Variants in ITGAM observed in about 807,000 individuals in gnomAD.
ITGAM encodes the protein integrin alpha-M.
A neutral mutation model predicts 137.5 loss-of-function variants in ITGAM; 79 were observed. That is an observed-to-expected ratio of 0.57 (90% confidence interval 0.48 to 0.69). ITGAM has a LOEUF of 0.69. ITGAM is among the 30% of genes least tolerant of loss of function. The pLI, the probability that ITGAM is intolerant of heterozygous loss-of-function variation, is 0.00. For missense variants in ITGAM, 1,343 were observed against 1,483.5 expected (o/e 0.91, Z 1.56); for synonymous variants, 583 against 592.3 (o/e 0.98, Z 0.23).
At chr16:31,278,283 T>C (rs894388891) in intron 12 of ITGAM, among the ~76,000 whole-genome samples, 174 bp downstream of exon 12, 1 of 152,182 alleles carries the variant, frequency 6.6e-6, no homozygotes, top group African/African-American at 2.4e-5. Context: ...TGTCCTCAGC[T>C]TTTTTAACAA....
Position 31,329,315 on chromosome 16 carries a change from G to C in ITGAM, c.2868+12G>C. On this transcript the variant is annotated intron_variant, in intron 24 of 29. Coordinates refer to ENST00000544665, the MANE Select transcript of ITGAM (RefSeq NM_000632.4). ...AGCATCAATATCAGGTGGGCAGCTGGGACGTCTGGGTCCTGAGAAGGAGGC... is the reference window on the plus strand; with the variant it reads ...AGCATCAATATCAGGTGGGCAGCTGCGACGTCTGGGTCCTGAGAAGGAGGC... 1 of 1,585,702 alleles carries C rather than the reference G, an allele frequency of 6.3e-7. No homozygotes were observed. The highest frequency in any genetic ancestry group is 8.7e-7 in the Non-Finnish European group (1 of 1,154,926).
At chr16:31,270,699 G>GTGTA (rs1477833816) in intron 5 of ITGAM, among the ~76,000 whole-genome samples, 1,377 of 25,730 alleles carry the variant, frequency 0.054, 65 homozygotes, top group Non-Finnish European at 0.084. Context: ...GTGTGTGTGT[G>GTGTA]TATATATATA....
chr16:31,269,441 C>A (rs1026856149), intron 5 of ITGAM, among the ~76,000 whole-genome samples: 1 of 152,126 alleles, frequency 6.6e-6, no homozygotes, highest in Non-Finnish European at 1.5e-5. Flanking sequence ...AAACTATAAA[C>A]TATAAACTAT....
At position 31,328,929 on chromosome 16, in the gene ITGAM, T is replaced by C. The variant is rs528395591; in HGVS notation, c.2793-299T>C. On this transcript the variant is annotated intron_variant, in intron 23 of 29. Coordinates refer to ENST00000544665, the MANE Select transcript of ITGAM (RefSeq NM_000632.4). ...GTGTGTGTCTGAGGATCTATGTGCA[T>C]GTATGTGTGCATGGGTGTGTATTTG... 7.8e-6 allele frequency: 4 copies of C among 512,320 alleles called. No homozygotes were observed. The South Asian group carries it at 8.7e-5, about 11-fold the overall frequency. 31.7% of individuals were successfully genotyped at this position (512,320 alleles called of 1,614,324 possible).
chr16:31,325,278 G>C lies in ITGAM; in HGVS notation c.2379G>C (p.Val793=), dbSNP rs2080495852. The C allele has an allele frequency of 6.2e-7, 1 of 1,612,932 alleles. No individual in the cohort carries two copies. Residue 793 remains valine (V), a synonymous_variant, in exon 20 of 30, where the codon GTG becomes GTC. Coordinates refer to ENST00000544665, the MANE Select transcript of ITGAM (RefSeq NM_000632.4). ...TFSFMSLDCL[V]VGGPREFNVT... ...CTTCCCACAGCCTGGACTGCCTCGT[G>C]GTGGGTGGGCCCCGGGAGTTCAACG... is the stretch of plus-strand genomic sequence containing the variant.
intron 12 of ITGAM, among the ~76,000 whole-genome samples, chr16:31,290,080 C>CAAAAAAAAAAAAAAAAAAAAAAAAAA (rs780127045): frequency 3.6e-5 from 2 of 56,108 alleles, no homozygotes; most frequent in Non-Finnish European, 8.6e-5. Context: ...AAACTCCATC[C>CAAAAAAAAAAAAAAAAAAAAAAAAAA]AAAAAAAAAA....
intron 23 of ITGAM, among the ~76,000 whole-genome samples, chr16:31,328,803 TGA>T (rs2080540882): frequency 7.7e-6 from 1 of 130,580 alleles, no homozygotes; most frequent in Non-Finnish European, 1.6e-5. Context: ...TGTGTGTGTG[TGA>T]AGGTCTATGT....
At chr16:31,298,945 T>C (rs2080167160) in intron 14 of ITGAM, among the ~76,000 whole-genome samples, 1 of 152,208 alleles carries the variant, frequency 6.6e-6, no homozygotes, top group Non-Finnish European at 1.5e-5. Flanking sequence ...GCCCACTGTC[T>C]GGAGGGACCC....
intron 14 of ITGAM, among the ~76,000 whole-genome samples, chr16:31,299,756 C>T (rs1176253310): frequency 2.1e-5 from 3 of 142,766 alleles, no homozygotes; most frequent in Non-Finnish European, 3.0e-5. Context: ...TCTTCTCCTC[C>T]TCCTCCTCTT....
intron 1 of ITGAM, among the ~76,000 whole-genome samples, chr16:31,260,844 C>A (rs1405452814): frequency 6.6e-6 from 1 of 152,290 alleles, no homozygotes; most frequent in South Asian, 2.1e-4. Context: ...AAGATGAACA[C>A]TGATAATCGA....
At position 31,331,257 on chromosome 16, in the gene ITGAM, C is replaced by T; in HGVS notation, c.3369C>T (p.Ile1123=). 6.2e-7 allele frequency: 1 copy of T among 1,610,774 alleles called. No individual in the cohort carries two copies. Among genetic ancestry groups the T allele is most frequent in the Non-Finnish European group, 8.5e-7 (1 of 1,177,948 alleles). Residue 1123 remains isoleucine (I), a synonymous_variant, in exon 29 of 30, where the codon ATC becomes ATT. Coordinates refer to ENST00000544665, the MANE Select transcript of ITGAM (RefSeq NM_000632.4). ...GGGGACTGCTGCTCCTGGCCCTCAT[C>T]ACCGCCGCGCTGTACAAGGTGCTCC... is the stretch of plus-strand genomic sequence containing the variant. ...SVGGLLLLAL[I]TAALYKLGFF...
At chr16:31,307,348 C>G (rs1000261333) in intron 14 of ITGAM, among the ~76,000 whole-genome samples, 4 of 152,094 alleles carry the variant, frequency 2.6e-5, no homozygotes, top group South Asian at 2.1e-4. Context: ...AGTTCTCCTT[C>G]AAGAGGTCCT....
intron 14 of ITGAM, among the ~76,000 whole-genome samples, chr16:31,319,519 A>G (rs1033373352): frequency 6.6e-6 from 1 of 152,106 alleles, no homozygotes; most frequent in Non-Finnish European, 1.5e-5. Flanking sequence ...ATGGAATAGC[A>G]TTTTCTACTC....
chr16:31,331,538 C>A (rs1402285961), intron 29 of ITGAM, 98 bp from the exon 30 acceptor site: 3 of 724,752 alleles, frequency 4.1e-6, no homozygotes, highest in Non-Finnish European at 7.1e-6. Flanking sequence ...TCCTGGGTCC[C>A]TTCTGTCTCT....
At chr16:31,266,754 AG>A (rs2079773042) in intron 5 of ITGAM, among the ~76,000 whole-genome samples, 2 of 152,050 alleles carry the variant, frequency 1.3e-5, no homozygotes, top group African/African-American at 4.8e-5. Flanking sequence ...GGATGGTGCA[AG>A]GTGTCATTGG....
At chr16:31,308,777 T>C (rs1055364753) in intron 14 of ITGAM, among the ~76,000 whole-genome samples, 11 of 151,870 alleles carry the variant, frequency 7.2e-5, no homozygotes, top group Admixed American at 2.0e-4. Flanking sequence ...CTGCTTTCTC[T>C]TATGGGCATT....
intron 28 of ITGAM, 97 bp downstream of exon 28, chr16:31,330,702 A>T: frequency 1.2e-6 from 1 of 812,114 alleles, no homozygotes; most frequent in Non-Finnish European, 1.9e-6. Context: ...AGAGAGGGAG[A>T]GAGAGAGACA....
At chr16:31,292,941 C>G (rs913425230) in intron 12 of ITGAM, among the ~76,000 whole-genome samples, 1 of 151,736 alleles carries the variant, frequency 6.6e-6, no homozygotes, top group African/African-American at 2.4e-5. Context: ...TTAACTTTTA[C>G]TAATAGCCAT....
chr16:31,289,547 A>C (rs1402935236), intron 12 of ITGAM, among the ~76,000 whole-genome samples: 1 of 152,140 alleles, frequency 6.6e-6, no homozygotes, highest in Non-Finnish European at 1.5e-5. Context: ...ATAGGTGGGA[A>C]TTGAACAATG....
Sources: allele counts gnomAD v4.1 joint callset (sites outside exome capture counted in the v4.1 genomes callset), GRCh38; gene constraint gnomAD v4.1.1; transcripts MANE v1.5; gene names NCBI Gene and HGNC (gene_info 2026-07-23, HGNC 2026-07-21).